Variants in FHL5 observed in about 807,000 individuals in gnomAD.
FHL5 encodes the protein four and a half LIM domains protein 5.
In FHL5, 33 loss-of-function variants were observed where a neutral mutation model predicts 32.0. The observed-to-expected ratio is 1.03, with a 90% CI of 0.78 to 1.38. The LOEUF is 1.38. Ranked by LOEUF, FHL5 falls within the 40% of genes most tolerant of loss-of-function variation. FHL5 has a pLI of 0.00. For synonymous variants in FHL5, 114 were observed against 113.6 expected (o/e 1.00, Z -0.02); for missense variants, 336 against 343.9 (o/e 0.98, Z 0.18).
intron 1 of FHL5, among the ~76,000 whole-genome samples, chr6:96,596,982 TC>T (rs1771049195): frequency 6.6e-6 from 1 of 152,060 alleles, no homozygotes. Flanking sequence ...TGCATCTTGC[TC>T]CCACACATGA....
chr6:96,593,873 C>T (rs1009328325), intron 1 of FHL5, among the ~76,000 whole-genome samples: 16 of 152,010 alleles, frequency 1.1e-4, no homozygotes, highest in Admixed American at 1.1e-3. Flanking sequence ...TCTAGTGGTT[C>T]ACAGCAGCCT....
At chr6:96,605,265 C>A (rs768671640) in intron 3 of FHL5, among the ~76,000 whole-genome samples, 1 of 152,172 alleles carries the variant, frequency 6.6e-6, no homozygotes, top group Non-Finnish European at 1.5e-5. Flanking sequence ...AAGAGTGATT[C>A]ATCATAGGCG....
chr6:96,612,674 A>C lies in FHL5; in HGVS notation c.691+1916A>C, dbSNP rs924769745. 2.4e-4 allele frequency among the ~76,000 whole-genome samples: 37 copies of C among 152,196 alleles called. 1 individual carries two copies. On this transcript the variant is annotated intron_variant, in intron 5 of 5. Transcript: ENST00000450218. Reference sequence around the variant, plus strand: ...AAAAGTAATCTAAATTTTACCCAAAAGTAATCTAAATATTATATATTTAAT... The same window carrying C: ...AAAAGTAATCTAAATTTTACCCAAACGTAATCTAAATATTATATATTTAAT...
intron 1 of FHL5, among the ~76,000 whole-genome samples, chr6:96,579,643 C>T (rs116281411): frequency 0.012 from 1,766 of 152,192 alleles, 32 homozygotes; most frequent in African/African-American, 0.034. Context: ...TAATACAATG[C>T]TAATAATGGA....
At chr6:96,602,178 G>A (rs1392503271) in intron 1 of FHL5, among the ~76,000 whole-genome samples, 8 of 152,112 alleles carry the variant, frequency 5.3e-5, no homozygotes, top group Admixed American at 5.2e-4. Context: ...TTCAAATGTA[G>A]TCAGTACAAA....
intron 1 of FHL5, among the ~76,000 whole-genome samples, chr6:96,576,355 G>T (rs1241640562): frequency 6.6e-6 from 1 of 152,168 alleles, no homozygotes; most frequent in African/African-American, 2.4e-5. Flanking sequence ...TGTCTTTTCT[G>T]TTGATCAGGA....
At position 96,610,611 on chromosome 6, in the gene FHL5, T is replaced by C; in HGVS notation, c.544T>C (p.Trp182Arg). 3 of 1,614,068 alleles carry C rather than the reference T, an allele frequency of 1.9e-6. No homozygotes were observed. Among genetic ancestry groups the C allele is most frequent in the Non-Finnish European group, 2.5e-6 (3 of 1,179,910 alleles). Reference sequence around the variant, plus strand: ...TGGGATAACATTTTGTGACCAGCTATGGCATAAAGAGTGTTTTCTGTGTAG... The same window carrying C: ...TGGGATAACATTTTGTGACCAGCTACGGCATAAAGAGTGTTTTCTGTGTAG... ...SGGITFCDQL[W>R]HKECFLCSGC... The change falls in exon 5 of 6, where the codon TGG (tryptophan) becomes CGG (arginine). Residue 182 changes from tryptophan to arginine, a missense_variant. Transcript: ENST00000450218.
Position 96,604,806 on chromosome 6 carries a change from C to T in FHL5, c.216C>T (p.Cys72=). Residue 72 remains cysteine, a synonymous_variant, in exon 3 of 6, where the codon TGC becomes TGT. Coordinates refer to ENST00000450218, the MANE Select transcript of FHL5 (RefSeq NM_001322466.2). ...WHEGCFKCTK[C]NHSLVEKPFA... ...AAGGATGCTTCAAGTGCACCAAATG[C>T]AATCACTCTTTGGTGGAAAAGCCTT... 1 of 1,613,774 alleles carries T rather than the reference C, an allele frequency of 6.2e-7. No homozygotes were observed. The highest frequency in any genetic ancestry group is 8.5e-7 in the Non-Finnish European group (1 of 1,179,676).
At chr6:96,581,805 T>A (rs1419697901) in intron 1 of FHL5, among the ~76,000 whole-genome samples, 2 of 152,142 alleles carry the variant, frequency 1.3e-5, no homozygotes, top group African/African-American at 4.8e-5. Context: ...GCACAATTAA[T>A]AGTCTTAAAA....
intron 1 of FHL5, among the ~76,000 whole-genome samples, chr6:96,591,429 G>A (rs1016430761): frequency 2.8e-4 from 42 of 151,684 alleles, no homozygotes; most frequent in African/African-American, 8.2e-4. Flanking sequence ...ACTCTTTTCC[G>A]CACCTGTGAT....
rs182882926 is a variant in FHL5 at position 96,587,271 on chromosome 6, T to C, written c.-12-16331T>C. 4.6e-5 allele frequency among the ~76,000 whole-genome samples: 7 copies of C among 152,334 alleles called. No individual in the cohort carries two copies. In the East Asian group the frequency reaches 1.4e-3, roughly 29 times the overall value. ...AAGAGCAATTTTGTGAGAATTTCTA[T>C]GGAAAATTATTAGGCAACCATTTTA... is the stretch of plus-strand genomic sequence containing the variant. On this transcript the variant is annotated intron_variant, in intron 1 of 5. Coordinates refer to ENST00000450218, the MANE Select transcript of FHL5 (RefSeq NM_001322466.2).
chr6:96,602,641 C>T (rs971684594), intron 1 of FHL5, among the ~76,000 whole-genome samples: 2 of 151,702 alleles, frequency 1.3e-5, no homozygotes, highest in Admixed American at 6.6e-5. Context: ...AATCAGAGTC[C>T]TTATCTATCA....
rs964252760 is a variant in FHL5, at chr6:96,610,513, G to A, written c.505-59G>A. 3 of 1,260,764 alleles carry A rather than the reference G, an allele frequency of 2.4e-6. No homozygotes were observed. In the East Asian group the frequency reaches 7.0e-5, roughly 29 times the overall value. 78.1% of individuals were successfully genotyped at this position (1,260,764 alleles called of 1,614,324 possible). On this transcript the variant is annotated intron_variant, in intron 4 of 5. Transcript: ENST00000450218. ...GATACTAGGATCTCAAAAGAATCAT[G>A]AAATGATCTGAATTGTAATGGCTCC...
At chr6:96,586,757 T>C (rs1318573220) in intron 1 of FHL5, among the ~76,000 whole-genome samples, 1 of 152,086 alleles carries the variant, frequency 6.6e-6, no homozygotes, top group Non-Finnish European at 1.5e-5. Context: ...GCCAACACCA[T>C]AGACATCTCA....
At chr6:96,592,466 A>G (rs138985363) in intron 1 of FHL5, among the ~76,000 whole-genome samples, 3,977 of 152,194 alleles carry the variant, frequency 0.026, 60 homozygotes, top group Non-Finnish European at 0.031. Flanking sequence ...CAGATTTCAT[A>G]TTGTTCAAAC....
intron 4 of FHL5, 66 bp from the exon 5 acceptor site, chr6:96,610,506 G>A (rs1771376368): frequency 4.2e-6 from 5 of 1,191,610 alleles, no homozygotes; most frequent in Non-Finnish European, 6.0e-6. Context: ...GATCTCAAAA[G>A]AATCATGAAA....
intron 1 of FHL5, among the ~76,000 whole-genome samples, chr6:96,574,083 A>G (rs11153064): frequency 0.16 from 23,775 of 152,012 alleles, 2,052 homozygotes; most frequent in Middle Eastern, 0.27. Flanking sequence ...TCTATTTCAC[A>G]CTTTTTTTCC....
intron 1 of FHL5, among the ~76,000 whole-genome samples, chr6:96,566,726 G>A (rs1770365774): frequency 6.6e-6 from 1 of 151,574 alleles, no homozygotes; most frequent in South Asian, 2.1e-4. Context: ...TTGCGGTTTT[G>A]ATTTGCATTA....
intron 5 of FHL5, among the ~76,000 whole-genome samples, chr6:96,611,068 G>A (rs112937350): frequency 0.025 from 3,846 of 152,274 alleles, 56 homozygotes; most frequent in Non-Finnish European, 0.03. Context: ...AGGCCTTCAC[G>A]AGGAGATCTG....
Sources: gnomAD v4.1 joint callset for allele counts (sites outside exome capture counted in the v4.1 genomes callset) on GRCh38, gnomAD v4.1.1 for gene constraint, MANE v1.5 for transcripts, NCBI Gene and HGNC (gene_info 2026-07-23, HGNC 2026-07-21) for gene names.